Variants in PRH1 observed in about 807,000 individuals in gnomAD.
The protein encoded by PRH1 is proline rich protein HaeIII subfamily 1, also known as salivary acidic proline-rich phosphoprotein 1/2.
A neutral mutation model predicts 7.9 loss-of-function variants in PRH1; 7 were observed. The observed-to-expected ratio is 0.89, with a 90% CI of 0.50 to 1.67. PRH1 has a LOEUF of 1.67. Ranked by LOEUF, PRH1 falls within the 40% of genes most tolerant of loss-of-function variation. PRH1 has a pLI of 0.00. For missense variants in PRH1, 109 were observed against 223.6 expected (o/e 0.49, Z 3.27); for synonymous variants, 45 against 80.8 (o/e 0.56, Z 2.38).
intron 1 of PRH1, among the ~76,000 whole-genome samples, chr12:11,160,201 G>C (rs1420543500): frequency 1.3e-5 from 2 of 152,056 alleles, no homozygotes; most frequent in Non-Finnish European, 2.9e-5. Flanking sequence ...CTCTCATTCA[G>C]TAACATCCTT....
chr12:11,010,175 G>A (rs942129776), intron 1 of PRH1, among the ~76,000 whole-genome samples: 1 of 151,836 alleles, frequency 6.6e-6, no homozygotes, highest in African/African-American at 2.4e-5. Context: ...AATGTATTCA[G>A]CTTGACTTGA....
At chr12:11,151,901 T>C (rs1041889848) in intron 1 of PRH1, among the ~76,000 whole-genome samples, 1 of 151,740 alleles carries the variant, frequency 6.6e-6, no homozygotes, top group African/African-American at 2.4e-5. Context: ...TTAAACCATC[T>C]TCACATTTCT....
At chr12:11,161,964 T>C (rs757433107) in intron 1 of PRH1, among the ~76,000 whole-genome samples, 17 of 152,350 alleles carry the variant, frequency 1.1e-4, no homozygotes, top group Non-Finnish European at 2.2e-4. Flanking sequence ...CTTTATATGT[T>C]GCTGAGGATA....
At chr12:11,045,073 T>G (rs1222155738) in intron 1 of PRH1, among the ~76,000 whole-genome samples, 1 of 152,028 alleles carries the variant, frequency 6.6e-6, no homozygotes, top group Non-Finnish European at 1.5e-5. Context: ...CAGCAACAGA[T>G]TAATAGATAA....
intron 1 of PRH1, among the ~76,000 whole-genome samples, chr12:11,010,722 AC>A (rs1941029723): frequency 6.6e-6 from 1 of 151,954 alleles, no homozygotes; most frequent in Non-Finnish European, 1.5e-5. Context: ...ATATTTACAT[AC>A]ACTATTATTA....
intron 1 of PRH1, among the ~76,000 whole-genome samples, chr12:11,027,487 C>T (rs1941974434): frequency 6.6e-6 from 1 of 152,150 alleles, no homozygotes; most frequent in Non-Finnish European, 1.5e-5. Context: ...CAGTATATGG[C>T]ATGTTGCTCT....
At chr12:11,014,207 C>G (rs1941189502) in intron 1 of PRH1, among the ~76,000 whole-genome samples, 2 of 152,220 alleles carry the variant, frequency 1.3e-5, no homozygotes, top group Admixed American at 1.3e-4. Context: ...ACCAACACAA[C>G]AGGCATCATT....
intron 2 of PRH1, among the ~76,000 whole-genome samples, chr12:10,912,408 A>G (rs1949913351): frequency 6.6e-6 from 1 of 152,114 alleles, no homozygotes; most frequent in African/African-American, 2.4e-5. Flanking sequence ...TTATAATATC[A>G]TCTTATTAAA....
At chr12:11,050,035 G>C (rs533931993), upstream of PRH1, among the ~76,000 whole-genome samples, 1 of 152,188 alleles carries the variant, frequency 6.6e-6, no homozygotes, top group Non-Finnish European at 1.5e-5. Flanking sequence ...AGGGTTGTCA[G>C]ACAATGAATA....
intron 1 of PRH1, among the ~76,000 whole-genome samples, chr12:11,002,159 G>A (rs957395471): frequency 6.6e-6 from 1 of 151,880 alleles, no homozygotes; most frequent in African/African-American, 2.4e-5. Flanking sequence ...ACATTTATTA[G>A]ACATTATCCA....
At chr12:11,061,760 C>A in intron 1 of PRH1, 1 of 1,614,038 alleles carries the variant, frequency 6.2e-7, no homozygotes, top group Non-Finnish European at 8.5e-7. Context: ...AGGATGGTTA[C>A]CGTTGTATTT....
intron 1 of PRH1, among the ~76,000 whole-genome samples, chr12:10,998,054 A>G (rs1456390603): frequency 6.6e-6 from 1 of 152,204 alleles, no homozygotes; most frequent in Non-Finnish European, 1.5e-5. Context: ...CTAATGAATG[A>G]GTTCAATGCT....
At chr12:11,052,056 C>T (rs1943168831), upstream of PRH1, among the ~76,000 whole-genome samples, 1 of 152,268 alleles carries the variant, frequency 6.6e-6, no homozygotes, top group South Asian at 2.1e-4. Flanking sequence ...TAGAAAAGCC[C>T]AAAACACAGT....
intron 1 of PRH1, among the ~76,000 whole-genome samples, chr12:11,121,420 T>C (rs1195115004): frequency 1.3e-5 from 2 of 152,204 alleles, no homozygotes; most frequent in South Asian, 2.1e-4. Flanking sequence ...ATATTAGGAA[T>C]GGGAGACAAA....
At chr12:11,073,822 G>T (rs11533168) in intron 1 of PRH1, among the ~76,000 whole-genome samples, 67,101 of 150,146 alleles carry the variant, frequency 0.45, 15,473 homozygotes, top group Non-Finnish European at 0.52. Context: ...CATCAAGCCC[G>T]TAGGAGAGGA....
chr12:10,996,776 T>A (rs1940264471), intron 1 of PRH1: 2 of 400,582 alleles, frequency 5.0e-6, no homozygotes, highest in Admixed American at 4.1e-5. Flanking sequence ...AAATGTATAT[T>A]ATATATATAT....
At chr12:11,038,582 CTGT>C (rs1942555463) in intron 1 of PRH1, among the ~76,000 whole-genome samples, 1 of 151,252 alleles carries the variant, frequency 6.6e-6, no homozygotes, top group African/African-American at 2.4e-5. Flanking sequence ...TTCATTTTCT[CTGT>C]TGTATTATTC....
At chr12:10,982,333 A>G (rs991666405) in intron 1 of PRH1, among the ~76,000 whole-genome samples, 17 of 152,212 alleles carry the variant, frequency 1.1e-4, no homozygotes, top group African/African-American at 4.1e-4. Context: ...ATCTTTATTC[A>G]GTTAACCTAA....
intron 1 of PRH1, among the ~76,000 whole-genome samples, chr12:11,138,073 TTTTTA>T (rs1272111844): frequency 3.3e-5 from 5 of 152,220 alleles, no homozygotes; most frequent in African/African-American, 1.2e-4. Flanking sequence ...TTATTTGCTT[TTTTTA>T]TTTTATTATA....
Sources: allele counts gnomAD v4.1 joint callset (sites outside exome capture counted in the v4.1 genomes callset), GRCh38; gene constraint gnomAD v4.1.1; transcripts MANE v1.5; gene names NCBI Gene and HGNC (gene_info 2026-07-23, HGNC 2026-07-21).